TBC1D32: variants seen among roughly 807,000 people sequenced by gnomAD.
The protein encoded by TBC1D32 is protein broad-minded.
In TBC1D32, 151 loss-of-function variants were observed where a neutral mutation model predicts 170.3. That is an observed-to-expected ratio of 0.89 (90% CI 0.78 to 1.01). TBC1D32 has a LOEUF of 1.01. Ranked by LOEUF, TBC1D32 falls within the 50% of genes least tolerant of loss-of-function variation. The pLI is 0.00. For missense variants in TBC1D32, 1,464 were observed against 1,457.1 expected, an observed-to-expected ratio of 1.00 and a Z score of -0.08; for synonymous variants, 498 against 488.0, an observed-to-expected ratio of 1.02 and a Z score of -0.27.
At chr6:121,285,364 T>G (rs967872376) in intron 12 of TBC1D32, among the ~76,000 whole-genome samples, 1 of 152,148 alleles carries the variant, frequency 6.6e-6, no homozygotes, top group South Asian at 2.1e-4. Flanking sequence ...CAGAATACAT[T>G]TAATTATTTC....
At chr6:121,109,926 T>C (rs1476335841) in intron 29 of TBC1D32, among the ~76,000 whole-genome samples, 2 of 152,088 alleles carry the variant, frequency 1.3e-5, no homozygotes, top group African/African-American at 4.8e-5. Flanking sequence ...ATACATTTTC[T>C]AGAGTAATAA....
chr6:121,153,997 G>A (rs1468784530), intron 24 of TBC1D32, among the ~76,000 whole-genome samples: 1 of 139,932 alleles, frequency 7.1e-6, no homozygotes, highest in Non-Finnish European at 1.5e-5. Flanking sequence ...CCAGGGAAGT[G>A]AATGGTTCTG....
At position 121,229,966 on chromosome 6, in the gene TBC1D32, G is replaced by A. The variant is rs116012265; in HGVS notation, c.2365-6614C>T. Among the ~76,000 whole-genome samples, 1,036 of 152,094 alleles carry A rather than the reference G, an allele frequency of 6.8e-3. 14 individuals carry two copies. Among genetic ancestry groups the A allele is most frequent in the African/African-American group, 0.024 (991 of 41,488 alleles). On this transcript the variant is annotated intron_variant, in intron 20 of 31. Coordinates refer to ENST00000398212, the MANE Select transcript of TBC1D32 (RefSeq NM_152730.6). ...CCCTTCACTCTCTCTCTCTCCAGCA[G>A]CCATGTAAGATGTGTGCCTTGCTTC...
intron 31 of TBC1D32, among the ~76,000 whole-genome samples, chr6:121,089,583 C>A (rs1275810116): frequency 6.6e-6 from 1 of 152,116 alleles, no homozygotes. Flanking sequence ...AGTTTTTCCT[C>A]TACATGTGCA....
chr6:121,105,655 G>A (rs916099951), intron 30 of TBC1D32, among the ~76,000 whole-genome samples: 18 of 152,002 alleles, frequency 1.2e-4, no homozygotes, highest in South Asian at 8.3e-4. Context: ...AGGTTAATCC[G>A]CGGGGATTTT....
At chr6:121,261,257 G>A (rs2128405599) in intron 15 of TBC1D32, among the ~76,000 whole-genome samples, 1 of 152,172 alleles carries the variant, frequency 6.6e-6, no homozygotes, top group East Asian at 1.9e-4. Flanking sequence ...TCCCCCCAGT[G>A]CAGCACACCC....
intron 24 of TBC1D32, among the ~76,000 whole-genome samples, chr6:121,147,615 G>A (rs760885453): frequency 5.0e-4 from 76 of 151,248 alleles, no homozygotes; most frequent in African/African-American, 1.1e-3. Flanking sequence ...TTTTTGAGAC[G>A]GAGTCTTGCT....
chr6:121,105,577 C>A (rs1370929950), intron 30 of TBC1D32, among the ~76,000 whole-genome samples: 1 of 151,928 alleles, frequency 6.6e-6, no homozygotes, highest in African/African-American at 2.4e-5. Context: ...CACTGTGTAA[C>A]TTGAGGCCCT....
chr6:121,285,685 G>A lies in TBC1D32; in HGVS notation c.1373-1775C>T, dbSNP rs142062528. ...CTGGACATCTGAGAACTGACAGACT[G>A]CCTCCTCAAGTGGGTCCCTGACCCC... On this transcript the variant is annotated intron_variant, in intron 12 of 31. Transcript: ENST00000398212. Among the ~76,000 whole-genome samples, 523 of 152,270 alleles carry A rather than the reference G, an allele frequency of 3.4e-3. 4 individuals are homozygous for A. Among genetic ancestry groups the A allele is most frequent in the African/African-American group, 0.012 (510 of 41,564 alleles).
At chr6:121,236,296 G>A (rs1796321803) in intron 20 of TBC1D32, among the ~76,000 whole-genome samples, 1 of 151,764 alleles carries the variant, frequency 6.6e-6, no homozygotes, top group African/African-American at 2.4e-5. Flanking sequence ...GTGCTATTGA[G>A]CACTTATGAC....
chr6:121,328,917 C>G (rs1380019693), intron 1 of TBC1D32, among the ~76,000 whole-genome samples: 1 of 152,146 alleles, frequency 6.6e-6, no homozygotes. Flanking sequence ...ACCAATGACA[C>G]TATTACCAAA....
intron 30 of TBC1D32, among the ~76,000 whole-genome samples, chr6:121,092,291 A>G (rs199704530): frequency 3.8e-5 from 1 of 26,398 alleles, no homozygotes; most frequent in African/African-American, 1.1e-4. Context: ...CTTCAGTTTT[A>G]TGTTTTTTTT....
chr6:121,151,306 C>T lies in TBC1D32; in HGVS notation c.2773+8704G>A, dbSNP rs183900875. On this transcript the variant is annotated intron_variant, in intron 24 of 31. Coordinates refer to ENST00000398212, the MANE Select transcript of TBC1D32 (RefSeq NM_152730.6). ...GTTGTTCAGTTTCCATGTAGTTGTG[C>T]GGTTTTGAGTGAATTTCTTAATCCT... Among the ~76,000 whole-genome samples, 11 of 152,180 alleles carry T rather than the reference C, an allele frequency of 7.2e-5. No homozygotes were observed. The East Asian group carries it at 1.4e-3, about 19-fold the overall frequency.
intron 26 of TBC1D32, among the ~76,000 whole-genome samples, chr6:121,116,201 G>A (rs1779662219): frequency 6.6e-6 from 1 of 150,926 alleles, no homozygotes; most frequent in Admixed American, 6.6e-5. Flanking sequence ...TTACACATTG[G>A]TGTTTCTCAT....
intron 3 of TBC1D32, among the ~76,000 whole-genome samples, chr6:121,311,807 G>A (rs912901581): frequency 6.6e-6 from 1 of 152,114 alleles, no homozygotes; most frequent in African/African-American, 2.4e-5. Flanking sequence ...AGTTTTGGTG[G>A]GAGTGTAAAT....
chr6:121,304,290 T>C, intron 8 of TBC1D32, 75 bp downstream of exon 8: 1 of 1,370,934 alleles, frequency 7.3e-7, no homozygotes, highest in Non-Finnish European at 1.0e-6. Flanking sequence ...CTGTCTTTAC[T>C]CTTTCTGTCT....
In TBC1D32 at chr6:121,263,406, A is replaced by G. The variant is rs746525153; in HGVS notation, c.1734-7121T>C. On this transcript the variant is annotated intron_variant, in intron 15 of 31. Transcript: ENST00000398212. ...GAAGAGCTAACTATCCGAAATATAC[A>G]TGCACCCAATATAGGAGCACCCAGT... 2.0e-5 allele frequency among the ~76,000 whole-genome samples: 3 copies of G among 152,142 alleles called. No homozygotes were observed. The East Asian group carries it at 5.8e-4, about 29-fold the overall frequency.
In TBC1D32 at chr6:121,090,892, T is replaced by C; in HGVS notation, c.3615A>G (p.Leu1205=). ...AVFKHLQQDI[L]QHTQTQDLQV... Reference sequence around the variant, plus strand: ...GCAGATCTTGAGTCTGAGTGTGCTGTAGAATGTCTTGCTGTAAATGTTTGA... The same window carrying C: ...GCAGATCTTGAGTCTGAGTGTGCTGCAGAATGTCTTGCTGTAAATGTTTGA... Residue 1205 remains leucine, a synonymous_variant, in exon 31 of 32, where the codon CTA becomes CTG. Coordinates refer to ENST00000398212, the MANE Select transcript of TBC1D32 (RefSeq NM_152730.6). The C allele has an allele frequency of 6.2e-7, 1 of 1,612,714 alleles. No homozygotes were observed. Among genetic ancestry groups the C allele is most frequent in the Non-Finnish European group, 8.5e-7 (1 of 1,179,594 alleles).
intron 24 of TBC1D32, among the ~76,000 whole-genome samples, chr6:121,149,412 T>C (rs993955935): frequency 6.6e-6 from 1 of 152,220 alleles, no homozygotes; most frequent in African/African-American, 2.4e-5. Context: ...AAATCTTTAA[T>C]CTATCTTGAG....
Sources: allele counts gnomAD v4.1 joint callset (sites outside exome capture counted in the v4.1 genomes callset), GRCh38; gene constraint gnomAD v4.1.1; transcripts MANE v1.5; gene names NCBI Gene and HGNC (gene_info 2026-07-23, HGNC 2026-07-21).